PSMD12: variants seen among roughly 807,000 people sequenced by gnomAD.
PSMD12 encodes the protein 26S proteasome non-ATPase regulatory subunit 12.
In PSMD12, 8 loss-of-function variants were observed where a neutral mutation model predicts 62.9. That is an observed-to-expected ratio of 0.13 (90% CI 0.07 to 0.23). The LOEUF (loss-of-function observed/expected upper bound fraction) is 0.23. PSMD12 is among the 10% of genes least tolerant of loss of function. The pLI is 1.00. For missense variants in PSMD12, 424 were observed against 550.2 expected, an observed-to-expected ratio of 0.77 and a Z score of 2.29; for synonymous variants, 173 against 187.4, an observed-to-expected ratio of 0.92 and a Z score of 0.63.
At chr17:67,358,858 GT>G in intron 1 of PSMD12, among the ~76,000 whole-genome samples, 1 of 152,204 alleles carries the variant, frequency 6.6e-6, no homozygotes, top group South Asian at 2.1e-4. Context: ...CTGAAATACA[GT>G]TTCTGACAAC....
At chr17:67,358,756 A>G (rs1030338410) in intron 1 of PSMD12, among the ~76,000 whole-genome samples, 1 of 152,108 alleles carries the variant, frequency 6.6e-6, no homozygotes, top group Non-Finnish European at 1.5e-5. Flanking sequence ...TTAAGAATAA[A>G]TTAGTAATCA....
At chr17:67,350,404 A>T (rs1232556964) in intron 3 of PSMD12, 68 bp from the exon 4 acceptor site, 1 of 1,171,162 alleles carries the variant, frequency 8.5e-7, no homozygotes, top group Non-Finnish European at 1.2e-6. Context: ...TATTTTATTG[A>T]TCAAAGAGCA....
chr17:67,350,607 G>A (rs879450680), intron 3 of PSMD12, among the ~76,000 whole-genome samples: 3 of 152,240 alleles, frequency 2.0e-5, no homozygotes, highest in Non-Finnish European at 2.9e-5. Context: ...TAGGGGAAGA[G>A]AAAGCAGAGG....
chr17:67,341,896 G>C (rs545721395), intron 10 of PSMD12, among the ~76,000 whole-genome samples: 1 of 152,256 alleles, frequency 6.6e-6, no homozygotes, highest in Admixed American at 6.5e-5. Flanking sequence ...AGATCCTTCT[G>C]GGGACAGAAA....
chr17:67,357,425 C>T lies in PSMD12; in HGVS notation c.175G>A (p.Asp59Asn), dbSNP rs1447169912. The T allele has an allele frequency of 3.1e-6, 5 of 1,613,578 alleles. No individual in the cohort carries two copies. In the African/African-American group the frequency reaches 4.0e-5, roughly 13 times the overall value. Residue 59 changes from aspartate (D) to asparagine (N), a missense_variant, in exon 3 of 11, where the codon GAT (aspartate) becomes AAT (asparagine). Transcript: ENST00000356126. Reference protein sequence around the residue: ...SLEKQTRTASDMVSTSRILVA... With the variant: ...SLEKQTRTASNMVSTSRILVA... ...AAGATACGGGATGTCGATACCATATCGGAAGCCTGTAAGGGTAAAAATATA... is the reference window on the plus strand; with the variant it reads ...AAGATACGGGATGTCGATACCATATTGGAAGCCTGTAAGGGTAAAAATATA...
At chr17:67,357,236 A>C in intron 3 of PSMD12, 67 bp downstream of exon 3, 2 of 1,520,952 alleles carry the variant, frequency 1.3e-6, no homozygotes, top group Non-Finnish European at 1.8e-6. Context: ...GACTTATAGA[A>C]GAGCTTGTGA....
At chr17:67,341,390 A>G (rs2041913375) in intron 10 of PSMD12, among the ~76,000 whole-genome samples, 1 of 139,524 alleles carries the variant, frequency 7.2e-6, no homozygotes, top group African/African-American at 2.8e-5. Flanking sequence ...AATCGCCTGA[A>G]CCCTGGGAGG....
chr17:67,347,255 A>G lies in PSMD12; in HGVS notation c.661-5T>C, dbSNP rs2041976382. The G allele has an allele frequency of 1.9e-6, 3 of 1,612,762 alleles. No individual in the cohort carries two copies. Among genetic ancestry groups the G allele is most frequent in the Admixed American group, 1.7e-5 (1 of 59,750 alleles). ...ATAGTACTTCAACTTTAATTTCTGCAAAAAAGTTGACAAAACAAATTGGGG... is the reference window on the plus strand; with the variant it reads ...ATAGTACTTCAACTTTAATTTCTGCGAAAAAGTTGACAAAACAAATTGGGG... On this transcript the variant is annotated splice_polypyrimidine_tract_variant and splice_region_variant and intron_variant, in intron 6 of 10. Coordinates refer to ENST00000356126, the MANE Select transcript of PSMD12 (RefSeq NM_002816.5).
At chr17:67,356,799 C>T (rs1006888794) in intron 3 of PSMD12, among the ~76,000 whole-genome samples, 1 of 151,710 alleles carries the variant, frequency 6.6e-6, no homozygotes, top group African/African-American at 2.4e-5. Context: ...TCACTTGAGC[C>T]CAGGAGTTTG....
chr17:67,366,417 C>T lies in PSMD12; in HGVS notation c.103G>A (p.Ala35Thr), dbSNP rs1256166057. The T allele has an allele frequency of 6.2e-7, 1 of 1,610,820 alleles. No individual in the cohort carries two copies. Among genetic ancestry groups the T allele is most frequent in the East Asian group, 2.2e-5 (1 of 44,782 alleles). ...GCCAGCCGGCCTCTCCTCACCTTGG[C>T]TAGCTTCGCACACTCGGGTAGGCGC... ...DQRLPECAKL[A>T]KEGRLQEVIE... Residue 35 changes from alanine to threonine, a missense_variant, in exon 1 of 11, where the codon GCC becomes ACC. By Grantham distance (58) the Ala-to-Thr change is moderately conservative. Coordinates refer to ENST00000356126, the MANE Select transcript of PSMD12 (RefSeq NM_002816.5).
At position 67,348,553 on chromosome 17, in the gene PSMD12, T is replaced by C. The variant is rs1317839888; in HGVS notation, c.507A>G (p.Leu169=). 6.2e-7 allele frequency: 1 copy of C among 1,611,478 alleles called. No homozygotes were observed. Among genetic ancestry groups the C allele is most frequent in the Non-Finnish European group, 8.5e-7 (1 of 1,178,012 alleles). Residue 169 remains leucine, a synonymous_variant, in exon 5 of 11, where the codon TTA becomes TTG. Transcript: ENST00000356126. ...ACTCTAAAATGCAATACCTTACCTG[T>C]AACTCCTGTAAAATGGAGGCTGCCT... ...VKEAASILQE[L]QVETYGSMEK... is the part of the protein sequence containing the mutation.
chr17:67,345,624 A>C, intron 8 of PSMD12, 121 bp downstream of exon 8: 1 of 776,278 alleles, frequency 1.3e-6, no homozygotes, highest in Non-Finnish European at 2.1e-6. Context: ...TGTGGGCAAC[A>C]ATAGTAAAAC....
At chr17:67,357,658 C>T (rs2042088381) in intron 1 of PSMD12, 80 bp from the exon 2 acceptor site, 10 of 1,422,512 alleles carry the variant, frequency 7.0e-6, no homozygotes, top group East Asian at 6.8e-5. Flanking sequence ...GGTTTTGACA[C>T]AGAAAAGGAA....
In PSMD12 at chr17:67,357,509, A is replaced by G; in HGVS notation, c.168+10T>C. The G allele has an allele frequency of 6.2e-7, 1 of 1,613,502 alleles. No homozygotes were observed. The highest frequency in any genetic ancestry group is 1.3e-5 in the African/African-American group (1 of 75,034). ...AATGGTAACTGAGCTTTCCCCTGTAAACTACTCACAGTACGAGTCTGCTTT... is the reference window on the plus strand; with the variant it reads ...AATGGTAACTGAGCTTTCCCCTGTAGACTACTCACAGTACGAGTCTGCTTT... On this transcript the variant is annotated intron_variant, in intron 2 of 10. Coordinates refer to ENST00000356126, the MANE Select transcript of PSMD12 (RefSeq NM_002816.5).
intron 9 of PSMD12, 98 bp from the exon 10 acceptor site, chr17:67,342,361 T>TA (rs2041923230): frequency 2.5e-6 from 2 of 796,446 alleles, no homozygotes; most frequent in Non-Finnish European, 4.1e-6. Flanking sequence ...CTTAAAATGT[T>TA]AGACTCAGAG....
At chr17:67,365,258 C>T (rs148810178) in intron 1 of PSMD12, among the ~76,000 whole-genome samples, 1 of 151,572 alleles carries the variant, frequency 6.6e-6, no homozygotes. Flanking sequence ...TGTGTGAGGG[C>T]ACCAGCTCCA....
Position 67,352,833 on chromosome 17 carries a change from T to C in PSMD12, c.298-2497A>G, listed in dbSNP as rs545424994. On this transcript the variant is annotated intron_variant, in intron 3 of 10. Transcript: ENST00000356126. ...TCACTCAGTAGCCATCTCAGTCTCA[T>C]GTGATCCACTGTATCCAGGGCAGTG... 1.2e-3 allele frequency among the ~76,000 whole-genome samples: 183 copies of C among 152,330 alleles called. 3 individuals are homozygous for C. The South Asian group carries it at 0.027, about 23-fold the overall frequency.
intron 1 of PSMD12, among the ~76,000 whole-genome samples, chr17:67,361,616 G>A (rs1051467842): frequency 1.3e-5 from 2 of 152,008 alleles, no homozygotes; most frequent in African/African-American, 2.4e-5. Flanking sequence ...GAAATTTAAA[G>A]CCAGTCCAAT....
At chr17:67,354,580 G>C (rs188287888) in intron 3 of PSMD12, among the ~76,000 whole-genome samples, 14 of 152,156 alleles carry the variant, frequency 9.2e-5, no homozygotes, top group Middle Eastern at 3.4e-3. Flanking sequence ...TCTAATTAAG[G>C]AGCCCTTTCA....
Sources: gnomAD v4.1 joint callset for allele counts (sites outside exome capture counted in the v4.1 genomes callset) on GRCh38, gnomAD v4.1.1 for gene constraint, MANE v1.5 for transcripts, NCBI Gene and HGNC (gene_info 2026-07-23, HGNC 2026-07-21) for gene names.